The following TMEM63C variants were observed in gnomAD, a reference collection of about 807,000 sequenced individuals.
The protein encoded by TMEM63C is transmembrane protein 63C.
TMEM63C carries 32 observed loss-of-function variants against 99.2 expected under a neutral mutation model. The ratio of observed to expected loss-of-function variants is 0.32; its 90% CI spans 0.24 to 0.43. The LOEUF is 0.43. TMEM63C is among the 20% of genes least tolerant of loss of function. The pLI, the probability that TMEM63C is intolerant of heterozygous loss-of-function variation, is 1.00. For synonymous variants in TMEM63C, 376 were observed against 397.9 expected (o/e 0.94, Z 0.66); for missense variants, 826 against 1,053.0 (o/e 0.78, Z 2.98).
At chr14:77,192,649 C>A (rs187522851) in intron 1 of TMEM63C, among the ~76,000 whole-genome samples, 151 of 152,180 alleles carry the variant, frequency 9.9e-4, no homozygotes, top group African/African-American at 3.5e-3. Context: ...GTAGTTGCAG[C>A]TACTCGGGAG....
At chr14:77,232,244 C>T (rs1214130352) in intron 7 of TMEM63C, among the ~76,000 whole-genome samples, 1 of 151,938 alleles carries the variant, frequency 6.6e-6, no homozygotes, top group Non-Finnish European at 1.5e-5. Context: ...CAGAAAATAC[C>T]TTTGCCTAGC....
intron 12 of TMEM63C, among the ~76,000 whole-genome samples, chr14:77,240,250 C>A (rs1889144183): frequency 6.6e-6 from 1 of 152,236 alleles, no homozygotes; most frequent in Non-Finnish European, 1.5e-5. Flanking sequence ...CCGGGTACCC[C>A]TAGCTATGCC....
chr14:77,224,742 C>T (rs922385675), intron 5 of TMEM63C, among the ~76,000 whole-genome samples: 14 of 152,260 alleles, frequency 9.2e-5, no homozygotes, highest in East Asian at 7.7e-4. Context: ...CACCAAACCA[C>T]GCCAGGTTTC....
At chr14:77,215,857 C>T (rs571411868) in intron 2 of TMEM63C, among the ~76,000 whole-genome samples, 1 of 152,286 alleles carries the variant, frequency 6.6e-6, no homozygotes, top group African/African-American at 2.4e-5. Flanking sequence ...ATCATTCCCA[C>T]CACTATACAA....
intron 1 of TMEM63C, among the ~76,000 whole-genome samples, chr14:77,203,182 A>T (rs779984219): frequency 1.3e-5 from 2 of 152,116 alleles, no homozygotes; most frequent in African/African-American, 2.4e-5. Context: ...GTTAGAGACC[A>T]GCCCGGCCAA....
intron 1 of TMEM63C, among the ~76,000 whole-genome samples, chr14:77,204,344 A>G (rs1888360136): frequency 6.6e-6 from 1 of 152,190 alleles, no homozygotes; most frequent in South Asian, 2.1e-4. Flanking sequence ...GAGGTGGGCA[A>G]GGGCTGCTCA....
chr14:77,250,849 A>G (rs1305581644), intron 21 of TMEM63C, among the ~76,000 whole-genome samples: 1 of 152,184 alleles, frequency 6.6e-6, no homozygotes, highest in East Asian at 1.9e-4. Context: ...TTTTCTAAGA[A>G]TAAAGGACTG....
chr14:77,200,496 C>T (rs1415616752), intron 1 of TMEM63C, among the ~76,000 whole-genome samples: 1 of 152,274 alleles, frequency 6.6e-6, no homozygotes, highest in African/African-American at 2.4e-5. Context: ...GCCAGACCCA[C>T]AGCCTCTGCC....
intron 23 of TMEM63C, 92 bp from the exon 24 acceptor site, chr14:77,256,434 G>A: frequency 7.8e-7 from 1 of 1,290,002 alleles, no homozygotes; most frequent in South Asian, 1.3e-5. Context: ...GGAGACAGAG[G>A]CGATGGGGGT....
intron 20 of TMEM63C, 74 bp downstream of exon 20, chr14:77,248,946 C>T: frequency 1.5e-6 from 2 of 1,348,790 alleles, no homozygotes; most frequent in Non-Finnish European, 1.1e-6. Flanking sequence ...CTCACAACAT[C>T]AGTCCACCTC....
intron 1 of TMEM63C, among the ~76,000 whole-genome samples, chr14:77,203,002 C>T (rs1408844141): frequency 6.6e-6 from 1 of 152,160 alleles, no homozygotes; most frequent in Non-Finnish European, 1.5e-5. Context: ...CAACACTTAC[C>T]CAGTGATGCT....
chr14:77,219,048 T>G, intron 3 of TMEM63C, 85 bp downstream of exon 3: 1 of 1,354,498 alleles, frequency 7.4e-7, no homozygotes, highest in South Asian at 1.6e-5. Context: ...GGGACCCAGT[T>G]GTCCAAATGG....
chr14:77,185,989 T>A (rs1415651321), intron 1 of TMEM63C, among the ~76,000 whole-genome samples: 1 of 151,200 alleles, frequency 6.6e-6, no homozygotes, highest in Non-Finnish European at 1.5e-5. Flanking sequence ...CAGGGACCCC[T>A]GGGATGGCGA....
At chr14:77,240,853 C>A (rs912888467) in intron 13 of TMEM63C, among the ~76,000 whole-genome samples, 3 of 152,154 alleles carry the variant, frequency 2.0e-5, no homozygotes, top group Admixed American at 1.3e-4. Flanking sequence ...TGCTTTAGCA[C>A]AGAGGTGGTC....
At position 77,257,763 on chromosome 14, in the gene TMEM63C, C is replaced by T. The variant is rs1162405095; in HGVS notation, c.*1037C>T. 1.3e-5 allele frequency: 2 copies of T among 152,376 alleles called. No homozygotes were observed. Among genetic ancestry groups the T allele is most frequent in the Non-Finnish European group, 2.9e-5 (2 of 68,182 alleles). 9.4% of individuals were successfully genotyped at this position (152,376 alleles called of 1,614,324 possible). A position where few individuals can be genotyped will look rare whatever the true frequency, so the allele number is the denominator to read the frequency against. ...CTTCAAACTTAAGGACTGACCATCA[C>T]CTGCGTCCCAAGTAGGACCCTTCCT... On this transcript the variant is annotated 3_prime_UTR_variant, in exon 24 of 24. Coordinates refer to ENST00000298351, the MANE Select transcript of TMEM63C (RefSeq NM_020431.4).
At chr14:77,198,770 G>A (rs1202552654) in intron 1 of TMEM63C, among the ~76,000 whole-genome samples, 4 of 152,184 alleles carry the variant, frequency 2.6e-5, no homozygotes, top group African/African-American at 7.2e-5. Flanking sequence ...GGGAAGCAGC[G>A]CAGCTCTGCT....
At chr14:77,247,587 A>C (rs56753733) in intron 18 of TMEM63C, among the ~76,000 whole-genome samples, 28,349 of 152,184 alleles carry the variant, frequency 0.19, 3,031 homozygotes, top group African/African-American at 0.29. Flanking sequence ...ACTTATTGGA[A>C]TAAGAATATT....
chr14:77,184,550 C>T (rs1887966229), intron 1 of TMEM63C, among the ~76,000 whole-genome samples: 1 of 152,126 alleles, frequency 6.6e-6, no homozygotes, highest in Non-Finnish European at 1.5e-5. Flanking sequence ...TTTGCAGGAA[C>T]CCACGTGGTG....
intron 1 of TMEM63C, among the ~76,000 whole-genome samples, chr14:77,213,195 C>T (rs532670945): frequency 3.4e-4 from 52 of 152,278 alleles, no homozygotes; most frequent in Non-Finnish European, 6.3e-4. Flanking sequence ...ACTCCTACAC[C>T]CCTTTCACAT....
Sources: allele counts gnomAD v4.1 joint callset (sites outside exome capture counted in the v4.1 genomes callset), GRCh38; gene constraint gnomAD v4.1.1; transcripts MANE v1.5; gene names NCBI Gene and HGNC (gene_info 2026-07-23, HGNC 2026-07-21).